The following TAFA1 variants were observed in gnomAD, a reference collection of about 807,000 sequenced individuals.
TAFA1 encodes chemokine-like protein TAFA-1.
Under a neutral mutation model 18.5 loss-of-function variants are expected in TAFA1, and 4 were observed. The observed-to-expected ratio is 0.22, with a 90% confidence interval of 0.11 to 0.49. The LOEUF (loss-of-function observed/expected upper bound fraction) is 0.49, where lower values mean the gene tolerates loss of function less well. Ranked by LOEUF, TAFA1 falls within the 20% of genes least tolerant of loss-of-function variation. TAFA1 has a pLI of 0.98. For missense variants in TAFA1, 147 were observed against 169.0 expected (o/e 0.87, Z 0.72); for synonymous variants, 56 against 55.2 (o/e 1.01, Z -0.06).
chr3:68,178,264 AT>A (rs2066151440), intron 2 of TAFA1, among the ~76,000 whole-genome samples: 1 of 152,130 alleles, frequency 6.6e-6, no homozygotes, highest in Admixed American at 6.5e-5. Context: ...CTATTTCCTC[AT>A]TCATTCACTC....
intron 2 of TAFA1, among the ~76,000 whole-genome samples, chr3:68,271,223 T>C (rs2067660886): frequency 6.6e-6 from 1 of 152,036 alleles, no homozygotes; most frequent in Non-Finnish European, 1.5e-5. Flanking sequence ...GGATGACCAT[T>C]AGCCACTCCT....
intron 2 of TAFA1, among the ~76,000 whole-genome samples, chr3:68,275,278 G>T (rs2067772528): frequency 6.6e-6 from 1 of 152,058 alleles, no homozygotes; most frequent in African/African-American, 2.4e-5. Flanking sequence ...GAGAAATATG[G>T]AGGGCAATCT....
chr3:68,370,454 A>ATGTGTG lies in TAFA1; in HGVS notation c.119-46812_119-46807dup, dbSNP rs1233179753. ...CACATATATATACATATGTATATAT[A>ATGTGTG]TGTGTGTGTGTGTGTGTGTATATAT... is the stretch of plus-strand genomic sequence containing the variant. On this transcript the variant is annotated intron_variant, in intron 2 of 4. Coordinates refer to ENST00000478136, the MANE Select transcript of TAFA1 (RefSeq NM_213609.4). 2.0e-3 allele frequency among the ~76,000 whole-genome samples: 80 copies of ATGTGTG among 39,784 alleles called. 1 individual carries two copies. Among genetic ancestry groups the ATGTGTG allele is most frequent in the African/African-American group, 8.8e-3 (77 of 8,740 alleles). The allele number at this position is 39,784 out of a possible 152,430, so 26.1% of individuals were successfully genotyped here.
intron 2 of TAFA1, among the ~76,000 whole-genome samples, chr3:68,217,363 A>G (rs2066672518): frequency 6.6e-6 from 1 of 152,038 alleles, no homozygotes; most frequent in East Asian, 1.9e-4. Flanking sequence ...AAATTGAGCA[A>G]TGTTCTATAA....
rs575647204 is a variant in TAFA1 at position 68,172,670 on chromosome 3, G to T, written c.118+165926G>T. Among the ~76,000 whole-genome samples, 4 of 152,166 alleles carry T rather than the reference G, an allele frequency of 2.6e-5. No homozygotes were observed. In the East Asian group the frequency reaches 7.7e-4, roughly 29 times the overall value. On this transcript the variant is annotated intron_variant, in intron 2 of 4. Transcript: ENST00000478136. ...AATAAAATAAGTTGTATATACAAGAGAATATTACTCAGCTATAAAAAAGAA... is the reference window on the plus strand; with the variant it reads ...AATAAAATAAGTTGTATATACAAGATAATATTACTCAGCTATAAAAAAGAA...
At chr3:68,370,925 C>T (rs1283114208) in intron 2 of TAFA1, among the ~76,000 whole-genome samples, 2 of 151,666 alleles carry the variant, frequency 1.3e-5, no homozygotes, top group African/African-American at 4.8e-5. Context: ...TCTTCTAGAA[C>T]ATTGCTTCGC....
intron 3 of TAFA1, among the ~76,000 whole-genome samples, chr3:68,473,488 C>T (rs781383649): frequency 2.6e-5 from 4 of 151,964 alleles, no homozygotes; most frequent in Middle Eastern, 3.2e-3. Flanking sequence ...AAGTTTATAG[C>T]GCTCATCACC....
intron 2 of TAFA1, among the ~76,000 whole-genome samples, chr3:68,040,537 C>T (rs940833588): frequency 2.1e-5 from 3 of 143,288 alleles, no homozygotes; most frequent in African/African-American, 7.8e-5. Context: ...TGTAATTTTT[C>T]CTGGTGCTCT....
At chr3:68,203,168 C>T (rs2066487533) in intron 2 of TAFA1, among the ~76,000 whole-genome samples, 1 of 151,630 alleles carries the variant, frequency 6.6e-6, no homozygotes, top group Admixed American at 6.6e-5. Flanking sequence ...TGGTATAATT[C>T]TTATCTTTGC....
intron 2 of TAFA1, among the ~76,000 whole-genome samples, chr3:68,259,646 C>T (rs1161118239): frequency 6.6e-6 from 1 of 152,080 alleles, no homozygotes; most frequent in African/African-American, 2.4e-5. Context: ...TTGAAGAGGT[C>T]CTTCACATCC....
intron 3 of TAFA1, among the ~76,000 whole-genome samples, chr3:68,418,647 A>C (rs1255800518): frequency 6.6e-6 from 1 of 152,126 alleles, no homozygotes; most frequent in Non-Finnish European, 1.5e-5. Flanking sequence ...GAGGCCTGAC[A>C]AATATAACAA....
chr3:68,408,094 C>T (rs990905302), intron 2 of TAFA1, among the ~76,000 whole-genome samples: 1 of 151,964 alleles, frequency 6.6e-6, no homozygotes, highest in East Asian at 1.9e-4. Flanking sequence ...TCAAAAAGTC[C>T]TGTAAAAGTG....
chr3:68,521,860 T>G (rs1271175220), intron 3 of TAFA1, among the ~76,000 whole-genome samples: 2 of 125,880 alleles, frequency 1.6e-5, no homozygotes, highest in Non-Finnish European at 3.3e-5. Context: ...TTTTCTGTTT[T>G]TTTTTTTTTT....
intron 2 of TAFA1, among the ~76,000 whole-genome samples, chr3:68,333,233 A>G (rs956424648): frequency 6.6e-6 from 1 of 152,208 alleles, no homozygotes; most frequent in Non-Finnish European, 1.5e-5. Context: ...TTAATAGGAA[A>G]ATCATGGAAT....
chr3:68,084,797 A>G (rs2064950736), intron 2 of TAFA1, among the ~76,000 whole-genome samples: 1 of 131,880 alleles, frequency 7.6e-6, no homozygotes, highest in Non-Finnish European at 1.6e-5. Flanking sequence ...GACTCCGTCT[A>G]AAAAAAAAAA....
chr3:68,234,047 C>T (rs940669750), intron 2 of TAFA1, among the ~76,000 whole-genome samples: 1 of 152,174 alleles, frequency 6.6e-6, no homozygotes. Context: ...CTGAGTCTCG[C>T]TTTGCTGAAT....
chr3:68,020,775 C>T (rs1220300753), intron 2 of TAFA1, among the ~76,000 whole-genome samples: 2 of 152,116 alleles, frequency 1.3e-5, no homozygotes, highest in East Asian at 3.9e-4. Context: ...CTATGGAATA[C>T]ATAATAGTTG....
intron 2 of TAFA1, among the ~76,000 whole-genome samples, chr3:68,134,508 G>A (rs535829021): frequency 6.6e-6 from 1 of 152,202 alleles, no homozygotes; most frequent in East Asian, 1.9e-4. Flanking sequence ...TTTTCTTCAG[G>A]TTGAGGAACA....
At chr3:68,395,501 G>A (rs2070360739) in intron 2 of TAFA1, among the ~76,000 whole-genome samples, 1 of 152,094 alleles carries the variant, frequency 6.6e-6, no homozygotes, top group East Asian at 1.9e-4. Flanking sequence ...TACTGCACAT[G>A]CACACATACG....
Sources: gnomAD v4.1 joint callset for allele counts (sites outside exome capture counted in the v4.1 genomes callset) on GRCh38, gnomAD v4.1.1 for gene constraint, MANE v1.5 for transcripts, NCBI Gene and HGNC (gene_info 2026-07-23, HGNC 2026-07-21) for gene names.